The following CD44 variants were observed in gnomAD, a reference collection of about 807,000 sequenced individuals.
The protein encoded by CD44 is CD44 antigen.
CD44 carries 49 observed loss-of-function variants against 88.8 expected under a neutral mutation model. That is an observed-to-expected ratio of 0.55 (90% CI 0.44 to 0.70). The LOEUF (loss-of-function observed/expected upper bound fraction) is 0.70, where lower values mean the gene tolerates loss of function less well. CD44 is among the 30% of genes least tolerant of loss of function. CD44 has a pLI of 0.00. For missense variants in CD44, 883 were observed against 913.8 expected, an observed-to-expected ratio of 0.97 and a Z score of 0.43; for synonymous variants, 325 against 312.3, an observed-to-expected ratio of 1.04 and a Z score of -0.43.
At chr11:35,168,653 G>A (rs988149091) in intron 1 of CD44, among the ~76,000 whole-genome samples, 1 of 152,212 alleles carries the variant, frequency 6.6e-6, no homozygotes, top group African/African-American at 2.4e-5. Context: ...TCCCTCCTGA[G>A]GAGATGACAA....
chr11:35,161,837 G>A (rs1229942603), intron 1 of CD44, among the ~76,000 whole-genome samples: 2 of 152,092 alleles, frequency 1.3e-5, no homozygotes, highest in African/African-American at 2.4e-5. Flanking sequence ...TGCTGGGGGG[G>A]AAGAGGAGTG....
At chr11:35,162,730 C>T (rs1345244620) in intron 1 of CD44, among the ~76,000 whole-genome samples, 1 of 152,078 alleles carries the variant, frequency 6.6e-6, no homozygotes, top group Non-Finnish European at 1.5e-5. Flanking sequence ...AAAAATATCC[C>T]CACAATCCAG....
chr11:35,223,082 T>C (rs1949434601), intron 17 of CD44: 1 of 985,192 alleles, frequency 1.0e-6, no homozygotes, highest in African/African-American at 1.7e-5. Flanking sequence ...CAAACAGCTA[T>C]GTTGCTATCT....
intron 1 of CD44, among the ~76,000 whole-genome samples, chr11:35,147,843 C>G (rs1168382671): frequency 3.9e-5 from 6 of 152,124 alleles, no homozygotes; most frequent in Non-Finnish European, 7.4e-5. Context: ...AATCCCAGCA[C>G]TTTGGGAGGC....
chr11:35,189,811 G>C, intron 4 of CD44, 24 bp from the exon 5 acceptor site: 1 of 1,505,244 alleles, frequency 6.6e-7, no homozygotes, highest in Non-Finnish European at 9.2e-7. Flanking sequence ...GTGAAGTTCT[G>C]TAAGTACCTT....
intron 1 of CD44, among the ~76,000 whole-genome samples, chr11:35,149,553 C>T (rs1859899220): frequency 6.6e-6 from 1 of 152,236 alleles, no homozygotes; most frequent in African/African-American, 2.4e-5. Context: ...ATTTTAGCTT[C>T]TCTCTATTAC....
chr11:35,169,068 T>A (rs1943598035), intron 1 of CD44, among the ~76,000 whole-genome samples: 1 of 152,196 alleles, frequency 6.6e-6, no homozygotes, highest in South Asian at 2.1e-4. Flanking sequence ...AGCTGGTGAT[T>A]CCTCAGATAT....
At chr11:35,221,589 G>T in intron 16 of CD44, 65 bp from the exon 17 acceptor site, 1 of 1,354,036 alleles carries the variant, frequency 7.4e-7, no homozygotes, top group Non-Finnish European at 1.1e-6. Flanking sequence ...ATTATAAAGT[G>T]CATTTTTGTT....
chr11:35,171,053 A>G (rs1943822618), intron 1 of CD44, among the ~76,000 whole-genome samples: 2 of 152,242 alleles, frequency 1.3e-5, no homozygotes, highest in African/African-American at 4.8e-5. Flanking sequence ...ATAATTCTAA[A>G]GTGCCTAAAA....
At chr11:35,147,373 A>G (rs1032029675) in intron 1 of CD44, among the ~76,000 whole-genome samples, 1 of 152,202 alleles carries the variant, frequency 6.6e-6, no homozygotes, top group African/African-American at 2.4e-5. Context: ...CTGGAAGTAT[A>G]CTATAGCCCT....
intron 2 of CD44, among the ~76,000 whole-genome samples, chr11:35,177,710 G>A (rs902903810): frequency 6.6e-6 from 1 of 152,222 alleles, no homozygotes; most frequent in Non-Finnish European, 1.5e-5. Flanking sequence ...CCCACATTAT[G>A]AGTGATGGCT....
At chr11:35,167,535 T>C (rs577778019) in intron 1 of CD44, among the ~76,000 whole-genome samples, 1 of 152,306 alleles carries the variant, frequency 6.6e-6, no homozygotes, top group East Asian at 1.9e-4. Context: ...GGACATGAGC[T>C]CAGCAAATCA....
chr11:35,224,902 A>G (rs1324323313), intron 17 of CD44, among the ~76,000 whole-genome samples: 1 of 152,222 alleles, frequency 6.6e-6, no homozygotes, highest in South Asian at 2.1e-4. Flanking sequence ...AGTCACCCAC[A>G]CTCCAATCAG....
rs1565082015 is a variant in CD44, at chr11:35,182,027, A to ATT, written c.367+1621_367+1622insTT. 2.8e-3 allele frequency among the ~76,000 whole-genome samples: 352 copies of ATT among 124,514 alleles called. 9 individuals are homozygous for ATT. Among genetic ancestry groups the ATT allele is most frequent in the Admixed American group, 0.012 (106 of 8,850 alleles). The allele number at this position is 124,514 out of a possible 152,430, so 81.7% of individuals were successfully genotyped here. ...TATATATGTATATATGTATATATAA[A>ATT]TATATACACATTTATATATATAAAA... On this transcript the variant is annotated intron_variant, in intron 3 of 17. Coordinates refer to ENST00000428726, the MANE Select transcript of CD44 (RefSeq NM_000610.4).
chr11:35,214,219 C>T (rs1948647107), intron 14 of CD44, among the ~76,000 whole-genome samples: 1 of 152,128 alleles, frequency 6.6e-6, no homozygotes, highest in Admixed American at 6.5e-5. Flanking sequence ...TTTAAACTTA[C>T]TATAATACCC....
intron 9 of CD44, 23 bp from the exon 10 acceptor site, chr11:35,204,489 C>T (rs1483120173): frequency 1.2e-6 from 2 of 1,611,386 alleles, no homozygotes; most frequent in South Asian, 2.2e-5. Context: ...AATTATGTCT[C>T]CCAACTGATA....
chr11:35,188,522 C>T (rs1321801197), intron 4 of CD44, among the ~76,000 whole-genome samples: 2 of 152,208 alleles, frequency 1.3e-5, no homozygotes, highest in Admixed American at 6.5e-5. Flanking sequence ...GCCCACAGTT[C>T]TCTTTTGAAG....
intron 6 of CD44, chr11:35,197,392 T>C (rs2133986693): frequency 6.6e-6 from 1 of 152,434 alleles, no homozygotes; most frequent in East Asian, 1.9e-4. Flanking sequence ...TCTTCTACAG[T>C]AACCACTGAG....
intron 5 of CD44, chr11:35,190,455 T>C (rs1005175456): frequency 4.3e-6 from 1 of 232,000 alleles, no homozygotes; most frequent in African/African-American, 2.3e-5. Flanking sequence ...TTTCATAAAG[T>C]TGGGATCATA....
Sources: gnomAD v4.1 joint callset for allele counts (sites outside exome capture counted in the v4.1 genomes callset) on GRCh38, gnomAD v4.1.1 for gene constraint, MANE v1.5 for transcripts, NCBI Gene and HGNC (gene_info 2026-07-23, HGNC 2026-07-21) for gene names.